Variants in SORT1 observed in about 807,000 individuals in gnomAD.
SORT1 encodes sortilin 1.
Under a neutral mutation model 101.7 loss-of-function variants are expected in SORT1, and 39 were observed. The observed-to-expected ratio is 0.38, with a 90% CI of 0.30 to 0.50. SORT1 has a LOEUF of 0.50. Among genes scored for constraint, SORT1 ranks in the 20% least tolerant of loss-of-function variants. The pLI, the probability that SORT1 is intolerant of heterozygous loss-of-function variation, is 0.90. For synonymous variants in SORT1, 396 were observed against 393.7 expected, an observed-to-expected ratio of 1.01 and a Z score of -0.07; for missense variants, 878 against 1,040.4, an observed-to-expected ratio of 0.84 and a Z score of 2.15.
At chr1:109,326,550 C>T (rs1270254797) in intron 13 of SORT1, among the ~76,000 whole-genome samples, 4 of 141,552 alleles carry the variant, frequency 2.8e-5, no homozygotes, top group East Asian at 2.0e-4. Flanking sequence ...TATATATACA[C>T]ATATATATAC....
intron 3 of SORT1, among the ~76,000 whole-genome samples, chr1:109,356,538 T>C (rs555419205): frequency 2.0e-5 from 3 of 152,298 alleles, no homozygotes; most frequent in East Asian, 3.9e-4. Context: ...GTGAGATCTA[T>C]GCAAAGTGCT....
At chr1:109,390,446 T>C (rs574906852) in intron 1 of SORT1, among the ~76,000 whole-genome samples, 85 of 152,254 alleles carry the variant, frequency 5.6e-4, no homozygotes, top group African/African-American at 1.9e-3. Context: ...TGCTCTAGTT[T>C]AAAAAACAAC....
intron 1 of SORT1, among the ~76,000 whole-genome samples, chr1:109,390,212 G>C (rs1652814774): frequency 6.6e-6 from 1 of 152,142 alleles, no homozygotes; most frequent in Non-Finnish European, 1.5e-5. Context: ...CACTGCAGTG[G>C]TCAAGCCTTC....
At chr1:109,360,510 T>G (rs948042365) in intron 3 of SORT1, among the ~76,000 whole-genome samples, 2 of 151,292 alleles carry the variant, frequency 1.3e-5, no homozygotes, top group African/African-American at 4.9e-5. Context: ...TTTTTTTTTT[T>G]TTTTTTGGTA....
chr1:109,317,282 G>A (rs1042981818), intron 16 of SORT1, among the ~76,000 whole-genome samples: 1 of 152,166 alleles, frequency 6.6e-6, no homozygotes, highest in Non-Finnish European at 1.5e-5. Flanking sequence ...TCAGGGGAGC[G>A]AGGTAATGAG....
chr1:109,369,625 G>A, intron 1 of SORT1, 36 bp from the exon 2 acceptor site: 1 of 1,290,180 alleles, frequency 7.8e-7, no homozygotes, highest in Non-Finnish European at 1.1e-6. Flanking sequence ...AGAAATGACA[G>A]CCACTCTCCT....
chr1:109,315,891 G>A (rs1647197936), intron 17 of SORT1, among the ~76,000 whole-genome samples: 1 of 151,294 alleles, frequency 6.6e-6, no homozygotes, highest in Non-Finnish European at 1.5e-5. Context: ...CTGAGTAGCT[G>A]GGACTACAGG....
chr1:109,325,284 C>A (rs1191613840), intron 13 of SORT1, among the ~76,000 whole-genome samples, 195 bp from the exon 14 acceptor site: 3 of 129,088 alleles, frequency 2.3e-5, no homozygotes, highest in African/African-American at 8.9e-5. Flanking sequence ...TGTCACCGGG[C>A]TGGAGTGCAG....
intron 1 of SORT1, among the ~76,000 whole-genome samples, chr1:109,384,674 T>G (rs1280000367): frequency 6.6e-6 from 1 of 152,142 alleles, no homozygotes; most frequent in East Asian, 1.9e-4. Flanking sequence ...AGAAAAGACG[T>G]TTATGTAGCT....
At position 109,326,478 on chromosome 1, in the gene SORT1, C is replaced by CATATATAT. The variant is rs1570899104; in HGVS notation, c.1643+513_1643+514insATATATAT. Among the ~76,000 whole-genome samples, 5 of 115,910 alleles carry CATATATAT rather than the reference C, an allele frequency of 4.3e-5. No individual in the cohort carries two copies. In the East Asian group the frequency reaches 9.1e-4, roughly 21 times the overall value. The allele number at this position is 115,910 out of a possible 152,430, so 76.0% of individuals were successfully genotyped here. ...ATATATATATATACATACACACACA[C>CATATATAT]ACACACATATATATACACACATATA... On this transcript the variant is annotated intron_variant, in intron 13 of 19. Transcript: ENST00000256637.
chr1:109,348,620 C>T (rs183263766), intron 6 of SORT1, among the ~76,000 whole-genome samples: 112 of 152,188 alleles, frequency 7.4e-4, no homozygotes, highest in African/African-American at 2.5e-3. Context: ...TCTTGAGTAA[C>T]GAGGACTACA....
At chr1:109,349,841 G>A (rs917400151) in intron 6 of SORT1, among the ~76,000 whole-genome samples, 56 of 152,070 alleles carry the variant, frequency 3.7e-4, no homozygotes, top group Admixed American at 2.2e-3. Flanking sequence ...AATCAATCTT[G>A]GTAGACATAT....
At chr1:109,364,869 G>C (rs1340532574) in intron 3 of SORT1, among the ~76,000 whole-genome samples, 1 of 152,176 alleles carries the variant, frequency 6.6e-6, no homozygotes, top group Non-Finnish European at 1.5e-5. Flanking sequence ...ACCTCACAAC[G>C]GCTCTGAGGT....
rs1259387874 is a variant in SORT1, at chr1:109,364,602, C to T, written c.440+2806G>A. On this transcript the variant is annotated intron_variant, in intron 3 of 19. Transcript: ENST00000256637. ...AGCAGAGTGAAGGTATGAGTACCGACCCATCAGCATGGATGTAGGTCATAA... is the reference window on the plus strand; with the variant it reads ...AGCAGAGTGAAGGTATGAGTACCGATCCATCAGCATGGATGTAGGTCATAA... Among the ~76,000 whole-genome samples the T allele has an allele frequency of 3.3e-5, 5 of 152,170 alleles. No homozygotes were observed. In the East Asian group the frequency reaches 9.6e-4, roughly 29 times the overall value.
chr1:109,379,180 T>C (rs922893134), intron 1 of SORT1, among the ~76,000 whole-genome samples: 4 of 151,824 alleles, frequency 2.6e-5, no homozygotes, highest in Non-Finnish European at 5.9e-5. Flanking sequence ...TGCTCTAATG[T>C]AGCATGCCTA....
At chr1:109,320,620 C>G (rs1178889139) in intron 15 of SORT1, among the ~76,000 whole-genome samples, 2 of 152,236 alleles carry the variant, frequency 1.3e-5, no homozygotes, top group African/African-American at 2.4e-5. Flanking sequence ...ACCACCTCCT[C>G]AACAAGGCCT....
rs1022199867 is a variant in SORT1, at chr1:109,317,084, T to TG, written c.2142-127dup. On this transcript the variant is annotated intron_variant, in intron 16 of 19. Transcript: ENST00000256637. Reference sequence around the variant, plus strand: ...CCATCCTTACGTCATGTTTCAGGCCTGGGGGGAATGTCCACAGGGATGTTT... The same window carrying TG: ...CCATCCTTACGTCATGTTTCAGGCCTGGGGGGGAATGTCCACAGGGATGTTT... 1.8e-5 allele frequency: 12 copies of TG among 654,360 alleles called. No homozygotes were observed. The African/African-American group carries it at 2.0e-4, about 11-fold the overall frequency. The allele number at this position is 654,360 out of a possible 1,614,324, so 40.5% of individuals were successfully genotyped here. A position where few individuals can be genotyped will look rare whatever the true frequency, so the allele number is the denominator to read the frequency against.
intron 12 of SORT1, 96 bp downstream of exon 12, chr1:109,327,403 C>A: frequency 1.3e-6 from 1 of 798,334 alleles, no homozygotes; most frequent in Non-Finnish European, 2.0e-6. Flanking sequence ...AAAGCATCCA[C>A]ATTGTTTCTT....
chr1:109,322,838 C>A, intron 15 of SORT1, 94 bp downstream of exon 15: 5 of 1,043,348 alleles, frequency 4.8e-6, no homozygotes, highest in Non-Finnish European at 7.0e-6. Flanking sequence ...CCGCACCCGG[C>A]TGGATTTCAA....
Sources: allele counts gnomAD v4.1 joint callset (sites outside exome capture counted in the v4.1 genomes callset), GRCh38; gene constraint gnomAD v4.1.1; transcripts MANE v1.5; gene names NCBI Gene and HGNC (gene_info 2026-07-23, HGNC 2026-07-21).